Variants in CDH8 observed in about 807,000 individuals in gnomAD.
The protein encoded by CDH8 is cadherin 8, also known as cadherin-8.
A neutral mutation model predicts 68.1 loss-of-function variants in CDH8; 17 were observed. The observed-to-expected ratio is 0.25, with a 90% CI of 0.17 to 0.37. The LOEUF is 0.37. CDH8 is among the 10% of genes least tolerant of loss of function. The pLI, the probability that CDH8 is intolerant of heterozygous loss-of-function variation, is 1.00. For missense variants in CDH8, 763 were observed against 999.3 expected (o/e 0.76, Z 3.19); for synonymous variants, 372 against 365.1 (o/e 1.02, Z -0.21).
chr16:61,782,078 C>G (rs1038170271), intron 8 of CDH8, among the ~76,000 whole-genome samples: 2 of 152,096 alleles, frequency 1.3e-5, no homozygotes, highest in Non-Finnish European at 2.9e-5. Flanking sequence ...AACAAACATT[C>G]GGAGGAGCCA....
In CDH8 at chr16:61,821,069, C is replaced by T. The variant is rs898192448; in HGVS notation, c.880G>A (p.Ala294Thr). ...SVPEDVVLGTAIGRVKANDQD... is the reference protein window; with the variant it reads ...SVPEDVVLGTTIGRVKANDQD... The stretch of plus-strand genomic sequence containing the variant: ...TCATTGGCCTTCACCCTTCCTATTG[C>T]AGTGCCAAGAACCACATCTTCCGGT... The change falls in exon 6 of 12, where the codon GCA becomes ACA. Residue 294 changes from alanine (A) to threonine (T), a missense_variant. Physicochemically the swap from Ala to Thr is moderately conservative, Grantham distance 58. Coordinates refer to ENST00000577390, the MANE Select transcript of CDH8 (RefSeq NM_001796.5). 4.3e-6 allele frequency: 7 copies of T among 1,612,632 alleles called. No homozygotes were observed. Among genetic ancestry groups the T allele is most frequent in the Non-Finnish European group, 5.9e-6 (7 of 1,179,112 alleles).
At chr16:61,887,121 T>C (rs1963689180) in intron 3 of CDH8, among the ~76,000 whole-genome samples, 1 of 152,136 alleles carries the variant, frequency 6.6e-6, no homozygotes, top group South Asian at 2.1e-4. Context: ...GATAATTTAG[T>C]AAACAGATTG....
chr16:61,842,783 CT>C (rs1302146769), intron 4 of CDH8, among the ~76,000 whole-genome samples: 1 of 152,104 alleles, frequency 6.6e-6, no homozygotes, highest in Non-Finnish European at 1.5e-5. Context: ...TAATTTATGC[CT>C]GTGAAACATT....
chr16:61,655,393 A>G, intron 11 of CDH8, 77 bp downstream of exon 11: 1 of 1,216,238 alleles, frequency 8.2e-7, no homozygotes, highest in South Asian at 2.4e-5. Flanking sequence ...TGTGTAGATC[A>G]GAGTTTTCTG....
intron 9 of CDH8, chr16:61,725,859 T>G (rs1337783985): frequency 2.0e-5 from 3 of 150,722 alleles, no homozygotes; most frequent in Non-Finnish European, 3.0e-5. Context: ...AGTTAATCAG[T>G]TTTATTATTA....
chr16:61,665,177 C>T (rs1336472734), intron 10 of CDH8, among the ~76,000 whole-genome samples: 3 of 151,798 alleles, frequency 2.0e-5, no homozygotes, highest in Non-Finnish European at 4.4e-5. Context: ...CTAGCTGTTT[C>T]TCTCTGTGGG....
intron 10 of CDH8, among the ~76,000 whole-genome samples, chr16:61,711,174 G>A (rs1032375127): frequency 3.3e-5 from 5 of 151,862 alleles, no homozygotes; most frequent in Admixed American, 6.6e-5. Flanking sequence ...ACAAGAGAGA[G>A]CTCATTTCTA....
chr16:62,027,001 G>A (rs1339255086), intron 1 of CDH8, among the ~76,000 whole-genome samples: 1 of 152,200 alleles, frequency 6.6e-6, no homozygotes, highest in Non-Finnish European at 1.5e-5. Flanking sequence ...GAGCAAGGTT[G>A]TAAAGCTGGG....
chr16:61,816,276 C>T (rs1962072238), intron 7 of CDH8, among the ~76,000 whole-genome samples: 2 of 152,154 alleles, frequency 1.3e-5, no homozygotes, highest in African/African-American at 4.8e-5. Flanking sequence ...ACAAATTCAA[C>T]TTATTTGGGG....
intron 10 of CDH8, among the ~76,000 whole-genome samples, chr16:61,664,391 G>A (rs59353357): frequency 0.033 from 5,032 of 151,938 alleles, 101 homozygotes; most frequent in South Asian, 0.048. Context: ...ATAACCAATT[G>A]CAGATGCATA....
intron 8 of CDH8, among the ~76,000 whole-genome samples, chr16:61,770,644 T>C (rs757804763): frequency 7.9e-5 from 12 of 151,960 alleles, no homozygotes; most frequent in Non-Finnish European, 1.6e-4. Context: ...CATTCTTGCT[T>C]TCCTTCTTCA....
At chr16:61,807,279 A>G (rs1266628515) in intron 7 of CDH8, among the ~76,000 whole-genome samples, 1 of 142,180 alleles carries the variant, frequency 7.0e-6, no homozygotes, top group Non-Finnish European at 1.5e-5. Flanking sequence ...CAATGAGATC[A>G]CATGGACACA....
intron 2 of CDH8, among the ~76,000 whole-genome samples, chr16:61,957,505 C>T (rs948730698): frequency 2.0e-5 from 3 of 152,160 alleles, no homozygotes; most frequent in African/African-American, 4.8e-5. Context: ...AATAGCCATT[C>T]GGCTCAGGTA....
intron 8 of CDH8, among the ~76,000 whole-genome samples, chr16:61,758,183 A>G (rs1567456631): frequency 6.6e-6 from 1 of 152,172 alleles, no homozygotes; most frequent in Non-Finnish European, 1.5e-5. Context: ...ATTAGATGAA[A>G]GGAAACCTGT....
intron 2 of CDH8, among the ~76,000 whole-genome samples, chr16:61,914,588 T>C (rs1445463977): frequency 6.6e-6 from 1 of 152,138 alleles, no homozygotes; most frequent in African/African-American, 2.4e-5. Context: ...GAAGAAGATC[T>C]GACTGCACAA....
At position 61,653,303 on chromosome 16, in the gene CDH8, C is replaced by G. The variant is rs1055087410; in HGVS notation, c.*305G>C. 4 of 1,187,384 alleles carry G rather than the reference C, an allele frequency of 3.4e-6. No individual in the cohort carries two copies. The African/African-American group carries it at 4.7e-5, about 14-fold the overall frequency. 73.6% of individuals were successfully genotyped at this position (1,187,384 alleles called of 1,614,324 possible). A position where few individuals can be genotyped will look rare whatever the true frequency, so the allele number is the denominator to read the frequency against. On this transcript the variant is annotated 3_prime_UTR_variant, in exon 12 of 12. Coordinates refer to ENST00000577390, the MANE Select transcript of CDH8 (RefSeq NM_001796.5). ...TTATGATTTTTTCCTCTATTTAAAC[C>G]ATTTATCTAAGGATTAGCCAGGATC... is the stretch of plus-strand genomic sequence containing the variant.
chr16:61,787,375 T>C (rs1961251090), intron 8 of CDH8, among the ~76,000 whole-genome samples: 2 of 145,494 alleles, frequency 1.4e-5, no homozygotes, highest in South Asian at 4.4e-4. Flanking sequence ...GAAATGCAAA[T>C]CAAAACCACT....
intron 2 of CDH8, among the ~76,000 whole-genome samples, chr16:61,908,133 C>T (rs991425418): frequency 4.6e-5 from 7 of 151,874 alleles, no homozygotes; most frequent in Non-Finnish European, 1.0e-4. Flanking sequence ...ATCTGTTCAC[C>T]CTTAGAGAGG....
chr16:61,697,560 C>CTCG (rs1466467816), intron 10 of CDH8, among the ~76,000 whole-genome samples: 1 of 151,324 alleles, frequency 6.6e-6, no homozygotes, highest in African/African-American at 2.4e-5. Flanking sequence ...GTGGTGCCAT[C>CTCG]TCGGCTCACT....
Sources: gnomAD v4.1 joint callset for allele counts (sites outside exome capture counted in the v4.1 genomes callset) on GRCh38, gnomAD v4.1.1 for gene constraint, MANE v1.5 for transcripts, NCBI Gene and HGNC (gene_info 2026-07-23, HGNC 2026-07-21) for gene names.